The following PDZRN3 variants were observed in gnomAD, a reference collection of about 807,000 sequenced individuals.
The protein encoded by PDZRN3 is PDZ domain containing ring finger 3, also known as E3 ubiquitin-protein ligase PDZRN3.
PDZRN3 carries 38 observed loss-of-function variants against 85.7 expected under a neutral mutation model. The observed-to-expected ratio is 0.44, with a 90% CI of 0.34 to 0.58. PDZRN3 has a LOEUF of 0.58. PDZRN3 is among the 20% of genes least tolerant of loss of function. The probability of loss-of-function intolerance (pLI) is 0.01; values close to 1 mark genes in which losing one functional copy is unlikely to be tolerated. For synonymous variants in PDZRN3, 759 were observed against 638.0 expected (o/e 1.19, Z -2.86); for missense variants, 1,629 against 1,506.4 (o/e 1.08, Z -1.35).
chr3:73,397,058 G>C (rs1701653657), intron 5 of PDZRN3, among the ~76,000 whole-genome samples: 1 of 144,620 alleles, frequency 6.9e-6, no homozygotes, highest in African/African-American at 2.5e-5. Flanking sequence ...TTTTGAGACA[G>C]AGTCTTGCTC....
intron 3 of PDZRN3, among the ~76,000 whole-genome samples, chr3:73,523,216 G>A (rs1279437725): frequency 2.0e-5 from 3 of 152,100 alleles, no homozygotes; most frequent in South Asian, 4.2e-4. Flanking sequence ...TGGTAGAGAC[G>A]GGATTTCACT....
intron 3 of PDZRN3, among the ~76,000 whole-genome samples, chr3:73,542,558 G>T (rs1701303921): frequency 6.6e-6 from 1 of 152,148 alleles, no homozygotes; most frequent in African/African-American, 2.4e-5. Context: ...TGGATCACCT[G>T]AGGTTAGGAG....
intron 3 of PDZRN3, among the ~76,000 whole-genome samples, chr3:73,451,997 C>A (rs998146356): frequency 6.6e-6 from 1 of 152,142 alleles, no homozygotes; most frequent in East Asian, 1.9e-4. Flanking sequence ...GAGGGCCAAA[C>A]AGAATCGAAT....
chr3:73,436,566 C>T (rs565198134), intron 3 of PDZRN3, among the ~76,000 whole-genome samples: 1 of 152,288 alleles, frequency 6.6e-6, no homozygotes, highest in South Asian at 2.1e-4. Flanking sequence ...TCCTGCACAT[C>T]CACAAATCAA....
At chr3:73,502,944 A>C (rs1365990192) in intron 3 of PDZRN3, among the ~76,000 whole-genome samples, 1 of 152,188 alleles carries the variant, frequency 6.6e-6, no homozygotes, top group African/African-American at 2.4e-5. Context: ...TTGATCTGTT[A>C]AGTAAGAATT....
intron 3 of PDZRN3, among the ~76,000 whole-genome samples, chr3:73,568,434 T>A (rs1701986253): frequency 6.6e-6 from 1 of 152,206 alleles, no homozygotes; most frequent in Non-Finnish European, 1.5e-5. Flanking sequence ...TAAAACTAGT[T>A]TTGACTTGAG....
At chr3:73,609,318 AG>A (rs1266889707) in intron 1 of PDZRN3, among the ~76,000 whole-genome samples, 2 of 152,202 alleles carry the variant, frequency 1.3e-5, no homozygotes, top group East Asian at 3.9e-4. Context: ...ACTCTGTTTA[AG>A]GCTGGTCAAT....
chr3:73,389,816 C>T lies in PDZRN3; in HGVS notation c.1416G>A (p.Gln472=), dbSNP rs1157652836. ...GGCCATTGTTTGGAAGTGGACTTACCTGGATAATGCGGTCTCCTTCTCGGA... is the reference window on the plus strand; with the variant it reads ...GGCCATTGTTTGGAAGTGGACTTACTTGGATAATGCGGTCTCCTTCTCGGA... ...GRIREGDRII[Q]INGIEVQNRE... Residue 472 remains glutamine (Q), a splice_region_variant and synonymous_variant, in exon 7 of 10, where the codon CAG becomes CAA. Coordinates refer to ENST00000263666, the MANE Select transcript of PDZRN3 (RefSeq NM_015009.3). 1.9e-6 allele frequency: 3 copies of T among 1,610,858 alleles called. No individual in the cohort carries two copies. Among genetic ancestry groups the T allele is most frequent in the East Asian group, 2.2e-5 (1 of 44,880 alleles).
intron 3 of PDZRN3, among the ~76,000 whole-genome samples, chr3:73,439,931 G>A (rs1247425315): frequency 6.6e-6 from 1 of 151,660 alleles, no homozygotes; most frequent in Non-Finnish European, 1.5e-5. Flanking sequence ...TAGAGTTGGG[G>A]TTCACCATAT....
At chr3:73,482,636 C>T (rs1703588041) in intron 3 of PDZRN3, among the ~76,000 whole-genome samples, 2 of 152,122 alleles carry the variant, frequency 1.3e-5, no homozygotes, top group African/African-American at 4.8e-5. Context: ...CTCAGAAATC[C>T]CCTAGGCAAG....
At chr3:73,487,180 A>G (rs1240630673) in intron 3 of PDZRN3, among the ~76,000 whole-genome samples, 1 of 152,196 alleles carries the variant, frequency 6.6e-6, no homozygotes, top group Non-Finnish European at 1.5e-5. Context: ...CAATATCTCT[A>G]AATTTATAGG....
intron 1 of PDZRN3, among the ~76,000 whole-genome samples, chr3:73,622,369 C>A (rs763975668): frequency 2.6e-5 from 4 of 152,228 alleles, no homozygotes; most frequent in Non-Finnish European, 4.4e-5. Flanking sequence ...AAAGCAGACA[C>A]AGGCCCTTGG....
At chr3:73,492,080 A>G (rs988827390) in intron 3 of PDZRN3, among the ~76,000 whole-genome samples, 3 of 152,216 alleles carry the variant, frequency 2.0e-5, no homozygotes, top group Non-Finnish European at 4.4e-5. Context: ...TCTGAAAACT[A>G]GCAGTGAAGA....
intron 3 of PDZRN3, among the ~76,000 whole-genome samples, chr3:73,579,695 C>G (rs1039803223): frequency 2.6e-5 from 4 of 152,230 alleles, no homozygotes; most frequent in Admixed American, 2.6e-4. Flanking sequence ...GAATTTCACT[C>G]TGAGAGAAGT....
At chr3:73,400,105 C>A (rs1315599893) in intron 5 of PDZRN3, among the ~76,000 whole-genome samples, 7 of 152,150 alleles carry the variant, frequency 4.6e-5, no homozygotes, top group Non-Finnish European at 1.0e-4. Context: ...TCCTGGGTGA[C>A]CTTTTGATGG....
chr3:73,402,749 C>CTGAG (rs1473705467), intron 4 of PDZRN3, among the ~76,000 whole-genome samples: 8 of 152,108 alleles, frequency 5.3e-5, no homozygotes. Context: ...ACTCCAGCTA[C>CTGAG]TGAGTTACTA....
chr3:73,436,228 T>G (rs1702528597), intron 3 of PDZRN3, among the ~76,000 whole-genome samples: 1 of 152,236 alleles, frequency 6.6e-6, no homozygotes, highest in African/African-American at 2.4e-5. Context: ...AACGCTTATG[T>G]GTTTGCTGAC....
At position 73,401,017 on chromosome 3, in the gene PDZRN3, G is replaced by C. The variant is rs1197164671; in HGVS notation, c.1167-8C>G. On this transcript the variant is annotated splice_region_variant and splice_polypyrimidine_tract_variant and intron_variant, in intron 4 of 9. Transcript: ENST00000263666. ...TCATGGGCTGAGGGATGCCTGAAAA[G>C]AGATGCAACATCTTTACAGCCCTTC... 1 of 1,593,180 alleles carries C rather than the reference G, an allele frequency of 6.3e-7. No individual in the cohort carries two copies. Among genetic ancestry groups the C allele is most frequent in the East Asian group, 2.2e-5 (1 of 44,788 alleles).
In PDZRN3 at chr3:73,402,096, C is replaced by T. The variant is rs74429926; in HGVS notation, c.1167-1087G>A. On this transcript the variant is annotated intron_variant, in intron 4 of 9. Transcript: ENST00000263666. ...ACATTCCCCATTCAGTCCCGACACA[C>T]GCTCTTGCTGTTGTCTGACCTTGCA... Among the ~76,000 whole-genome samples the T allele has an allele frequency of 5.8e-3, 889 of 152,324 alleles. 2 individuals carry two copies. Among genetic ancestry groups the T allele is most frequent in the African/African-American group, 0.015 (608 of 41,568 alleles).
Sources: gnomAD v4.1 joint callset for allele counts (sites outside exome capture counted in the v4.1 genomes callset) on GRCh38, gnomAD v4.1.1 for gene constraint, MANE v1.5 for transcripts, NCBI Gene and HGNC (gene_info 2026-07-23, HGNC 2026-07-21) for gene names.